LENG8: variants seen among roughly 807,000 people sequenced by gnomAD.
LENG8 encodes leukocyte receptor cluster (LRC) member 8.
LENG8 carries 28 observed loss-of-function variants against 102.1 expected under a neutral mutation model. The observed-to-expected ratio is 0.27, with a 90% CI of 0.20 to 0.38. LENG8 has a LOEUF of 0.38. Among genes scored for constraint, LENG8 ranks in the 10% least tolerant of loss-of-function variants. The pLI is 1.00. For synonymous variants in LENG8, 531 were observed against 456.7 expected, an observed-to-expected ratio of 1.16 and a Z score of -2.07; for missense variants, 1,022 against 1,113.9, an observed-to-expected ratio of 0.92 and a Z score of 1.17.
rs536955553 is a variant in LENG8, at chr19:54,458,743, A to G, written c.2240+222A>G. ...CCGGGTCACTCCTCTCCCTCTCCCC[A>G]CTGTTCCCAGCTCACTGCCTCTGGG... is the stretch of plus-strand genomic sequence containing the variant. On this transcript the variant is annotated intron_variant, in intron 15 of 15. Coordinates refer to ENST00000326764, the MANE Select transcript of LENG8 (RefSeq NM_052925.4). 26 of 1,550,188 alleles carry G rather than the reference A, an allele frequency of 1.7e-5. No homozygotes were observed. In the African/African-American group the frequency reaches 1.9e-4, roughly 11 times the overall value.
At position 54,461,162 on chromosome 19, in the gene LENG8, G is replaced by A; in HGVS notation, c.*234G>A. On this transcript the variant is annotated 3_prime_UTR_variant, in exon 16 of 16. Coordinates refer to ENST00000326764, the MANE Select transcript of LENG8 (RefSeq NM_052925.4). The stretch of plus-strand genomic sequence containing the variant: ...TGGGGAGGAGGGGATGGGCAGCGGA[G>A]GGTTGGGGGCATGGTCTGCAGGCTC... The A allele has an allele frequency of 1.4e-6, 1 of 706,970 alleles. No homozygotes were observed. Among genetic ancestry groups the A allele is most frequent in the Non-Finnish European group, 2.5e-6 (1 of 393,430 alleles). The allele number at this position is 706,970 out of a possible 1,614,324, so 43.8% of individuals were successfully genotyped here. A position where few individuals can be genotyped will look rare whatever the true frequency, so the allele number is the denominator to read the frequency against.
Position 54,461,690 on chromosome 19 carries a change from CCCCTCCCT to C in LENG8, c.*767_*774del, listed in dbSNP as rs771804093. The stretch of plus-strand genomic sequence containing the variant: ...TTGGTTCAGCACAGGTAAAACGGTT[CCCCTCCCT>C]CCCTGCCTTCATGGATCACCAGCTC... On this transcript the variant is annotated 3_prime_UTR_variant, in exon 16 of 16. Transcript: ENST00000326764. 3 of 485,330 alleles carry C rather than the reference CCCCTCCCT, an allele frequency of 6.2e-6. No individual in the cohort carries two copies. Among genetic ancestry groups the C allele is most frequent in the South Asian group, 4.6e-5 (3 of 64,672 alleles). 30.1% of individuals were successfully genotyped at this position (485,330 alleles called of 1,614,324 possible). A position where few individuals can be genotyped will look rare whatever the true frequency, so the allele number is the denominator to read the frequency against.
intron 15 of LENG8, chr19:54,460,463 C>T: frequency 7.6e-7 from 1 of 1,312,218 alleles, no homozygotes; most frequent in Non-Finnish European, 9.8e-7. Context: ...CTCCCTCCAT[C>T]TGGTCCCTGC....
chr19:54,452,008 C>A, intron 2 of LENG8, 85 bp from the exon 3 acceptor site: 1 of 1,287,606 alleles, frequency 7.8e-7, no homozygotes, highest in Non-Finnish European at 1.1e-6. Flanking sequence ...GATATGGGAT[C>A]CAGGGGCTGG....
intron 5 of LENG8, 133 bp downstream of exon 5, chr19:54,453,789 TGAG>T (rs1473346013): frequency 7.6e-6 from 5 of 660,734 alleles, no homozygotes; most frequent in Admixed American, 2.8e-5. Context: ...GATCTGAAAA[TGAG>T]GAGGACAGAG....
chr19:54,454,472 C>G lies in LENG8; in HGVS notation c.469C>G (p.Pro157Ala). The G allele has an allele frequency of 1.9e-6, 3 of 1,613,386 alleles. No individual in the cohort carries two copies. The highest frequency in any genetic ancestry group is 1.7e-6 in the Non-Finnish European group (2 of 1,179,678). The change falls in exon 6 of 16, where the codon CCC becomes GCC. Residue 157 changes from proline to alanine, a missense_variant. By Grantham distance (27) the Pro-to-Ala change is conservative. Transcript: ENST00000326764. Reference sequence around the variant, plus strand: ...GGATGAGAGCATGTCCTACCAGGCTCCCCCTCAGCAGCTGCCGTCGGCTCA... The same window carrying G: ...GGATGAGAGCATGTCCTACCAGGCTGCCCCTCAGCAGCTGCCGTCGGCTCA... Reference protein sequence around the residue: ...GMDESMSYQAPPQQLPSAQPP... With the variant: ...GMDESMSYQAAPQQLPSAQPP...
intron 2 of LENG8, 174 bp from the exon 3 acceptor site, chr19:54,451,919 C>T: frequency 1.7e-6 from 1 of 571,986 alleles, no homozygotes; most frequent in Non-Finnish European, 3.0e-6. Flanking sequence ...TTATCCCTCC[C>T]AGCAGACTCT....
chr19:54,456,152 G>T lies in LENG8; in HGVS notation c.1211G>T (p.Arg404Leu). Residue 404 changes from arginine to leucine, a missense_variant, in exon 9 of 16, where the codon CGC (arginine) becomes CTC (leucine). Physicochemically the swap from Arg to Leu is moderately radical, Grantham distance 102. Around this residue, in one of 7 missense-constraint regions of LENG8, gnomAD observed 326 missense variants for 324.5 expected, o/e 1.00. Coordinates refer to ENST00000326764, the MANE Select transcript of LENG8 (RefSeq NM_052925.4). ...RGNSFTKFGN[R>L]NVFMKDNSSS... ...AACAGCTTCACCAAGTTTGGCAACC[G>T]CAACGTCTTCATGAAGGACAACAGC... 1.2e-6 allele frequency: 2 copies of T among 1,611,002 alleles called. No homozygotes were observed. Among genetic ancestry groups the T allele is most frequent in the Non-Finnish European group, 1.7e-6 (2 of 1,177,944 alleles).
rs2084356882 is a variant in LENG8, at chr19:54,458,295, C to G, written c.2033-19C>G. The G allele has an allele frequency of 1.9e-6, 3 of 1,613,168 alleles. No homozygotes were observed. The African/African-American group carries it at 4.0e-5, about 22-fold the overall frequency. On this transcript the variant is annotated intron_variant, in intron 14 of 15. Transcript: ENST00000326764. ...AGGGTTGAGCCCTGCTGACTTCACC[C>G]TCTTTGTCTTGGTGCTAGACATCAC...
chr19:54,451,154 C>A, intron 1 of LENG8, 136 bp from the exon 2 acceptor site: 1 of 647,126 alleles, frequency 1.5e-6, no homozygotes. Context: ...TCTTCAGATC[C>A]TTGACCCCAG....
rs1299859716 is a variant in LENG8, at chr19:54,460,774, C to A, written c.2249C>A (p.Pro750His). 2 of 1,581,990 alleles carry A rather than the reference C, an allele frequency of 1.3e-6. No individual in the cohort carries two copies. Among genetic ancestry groups the A allele is most frequent in the East Asian group, 2.3e-5 (1 of 42,958 alleles). Reference sequence around the variant, plus strand: ...TCCTCTTGTCTCCATAGCTTCCGCCCTGCGCTGCCAGTCTCCTACCTGCAG... The same window carrying A: ...TCCTCTTGTCTCCATAGCTTCCGCCATGCGCTGCCAGTCTCCTACCTGCAG... Reference protein sequence around the residue: ...ALKAMIKTFRPALPVSYLQAE... With the variant: ...ALKAMIKTFRHALPVSYLQAE... Residue 750 changes from proline to histidine, a missense_variant, in exon 16 of 16, where the codon CCT (proline) becomes CAT (histidine). Physicochemically the swap from Pro to His is moderately conservative, Grantham distance 77 (BLOSUM62 -2). This residue lies in a region of LENG8 where 129 missense variants were observed against 123.0 expected (regional missense o/e 1.05). Coordinates refer to ENST00000326764, the MANE Select transcript of LENG8 (RefSeq NM_052925.4).
chr19:54,458,948 G>C, intron 15 of LENG8: 2 of 1,498,454 alleles, frequency 1.3e-6, no homozygotes, highest in Non-Finnish European at 1.8e-6. Flanking sequence ...ACAAGGCCCA[G>C]TCCCACTCAG....
chr19:54,460,602 C>G (rs1301615512), intron 15 of LENG8, 164 bp from the exon 16 acceptor site: 2 of 1,423,952 alleles, frequency 1.4e-6, no homozygotes, highest in East Asian at 2.6e-5. Flanking sequence ...CCGGGCCCCC[C>G]CCGAGCCCCT....
At position 54,455,848 on chromosome 19, in the gene LENG8, G is replaced by T; in HGVS notation, c.1026-119G>T. On this transcript the variant is annotated intron_variant, in intron 8 of 15. Coordinates refer to ENST00000326764, the MANE Select transcript of LENG8 (RefSeq NM_052925.4). ...CTCATTTCTGCACTGTAGTAGCTGA[G>T]CCGCCTGGGGTAAGTGCCTTTCCTT... 7.1e-6 allele frequency: 8 copies of T among 1,131,420 alleles called. No individual in the cohort carries two copies. In the South Asian group the frequency reaches 1.3e-4, roughly 18 times the overall value. 70.1% of individuals were successfully genotyped at this position (1,131,420 alleles called of 1,614,324 possible).
At chr19:54,455,214 ACCCTCTCTTGGGGGTTG>A (rs2084164015) in intron 7 of LENG8, 122 bp downstream of exon 7, 1 of 1,509,778 alleles carries the variant, frequency 6.6e-7, no homozygotes, top group Non-Finnish European at 9.1e-7. Flanking sequence ...GGGCAGAAGG[ACCCTCTCTTGGGGGTTG>A]CTGTGAGCAC....
chr19:54,457,140 C>T (rs1311850632), intron 11 of LENG8, among the ~76,000 whole-genome samples: 1 of 152,236 alleles, frequency 6.6e-6, no homozygotes, highest in Non-Finnish European at 1.5e-5. Context: ...GCCGGCGAAT[C>T]GCTTGACCTC....
Position 54,456,056 on chromosome 19 carries a change from C to T in LENG8, c.1115C>T (p.Ala372Val), listed in dbSNP as rs376186171. 4.9e-5 allele frequency: 79 copies of T among 1,611,014 alleles called. No homozygotes were observed. The Admixed American group carries it at 6.9e-4, about 14-fold the overall frequency. ...SLHPPRGAGSATRGGGAPSQR... is the reference protein window; with the variant it reads ...SLHPPRGAGSVTRGGGAPSQR... ...CACCCTCCTAGAGGGGCAGGCTCGG[C>T]GACAAGGGGCGGGGGTGCCCCGTCC... Residue 372 changes from alanine to valine, a missense_variant, in exon 9 of 16, where the codon GCG becomes GTG. Physicochemically the swap from Ala to Val is moderately conservative, Grantham distance 64. Around this residue, in one of 7 missense-constraint regions of LENG8, gnomAD observed 326 missense variants for 324.5 expected, o/e 1.00. Transcript: ENST00000326764.
At chr19:54,456,282 G>T (rs369291828) in intron 9 of LENG8, 37 bp downstream of exon 9, 27 of 1,613,976 alleles carry the variant, frequency 1.7e-5, no homozygotes, top group African/African-American at 1.3e-4. Context: ...GTGTGAGGGA[G>T]GGGGAGGCGT....
At chr19:54,452,851 T>C (rs185390994) in intron 4 of LENG8, 99 bp downstream of exon 4, 1 of 823,026 alleles carries the variant, frequency 1.2e-6, no homozygotes, top group South Asian at 1.5e-5. Context: ...GGGTGGTGGA[T>C]GGACTGGAGA....
Sources: allele counts gnomAD v4.1 joint callset (sites outside exome capture counted in the v4.1 genomes callset), GRCh38; gene constraint gnomAD v4.1.1; regional missense constraint gnomAD v4.1.1; transcripts MANE v1.5; gene names NCBI Gene and HGNC (gene_info 2026-07-23, HGNC 2026-07-21).